Variants in GRID2 observed in about 807,000 individuals in gnomAD.
The protein encoded by GRID2 is glutamate ionotropic receptor delta type subunit 2.
A neutral mutation model predicts 114.8 loss-of-function variants in GRID2; 33 were observed. That is an observed-to-expected ratio of 0.29 (90% CI 0.22 to 0.38). The LOEUF (loss-of-function observed/expected upper bound fraction) is 0.38. Ranked by LOEUF, GRID2 falls within the 10% of genes least tolerant of loss-of-function variation. GRID2 has a pLI of 1.00. For missense variants in GRID2, 1,184 were observed against 1,257.7 expected, an observed-to-expected ratio of 0.94 and a Z score of 0.89; for synonymous variants, 505 against 449.9, an observed-to-expected ratio of 1.12 and a Z score of -1.55.
At chr4:93,275,271 T>C (rs1311013814) in intron 8 of GRID2, among the ~76,000 whole-genome samples, 1 of 151,944 alleles carries the variant, frequency 6.6e-6, no homozygotes, top group African/African-American at 2.4e-5. Context: ...TGATAAATAA[T>C]ATTCCATTGT....
At chr4:93,280,323 T>C (rs897484170) in intron 8 of GRID2, among the ~76,000 whole-genome samples, 4 of 152,032 alleles carry the variant, frequency 2.6e-5, no homozygotes, top group Non-Finnish European at 4.4e-5. Flanking sequence ...ATTTTATTTC[T>C]AGTTTAATGC....
chr4:92,459,654 T>C (rs1721382537), intron 1 of GRID2, among the ~76,000 whole-genome samples: 1 of 152,152 alleles, frequency 6.6e-6, no homozygotes, highest in Non-Finnish European at 1.5e-5. Context: ...CCCAAAATTT[T>C]ATTCTGTTGT....
At chr4:92,977,046 C>G (rs1184321258) in intron 2 of GRID2, among the ~76,000 whole-genome samples, 1 of 152,170 alleles carries the variant, frequency 6.6e-6, no homozygotes, top group South Asian at 2.1e-4. Flanking sequence ...ATTCAACAAT[C>G]AATCAGTAAA....
intron 13 of GRID2, among the ~76,000 whole-genome samples, chr4:93,606,398 A>T (rs1461433063): frequency 6.6e-6 from 1 of 152,238 alleles, no homozygotes; most frequent in African/African-American, 2.4e-5. Flanking sequence ...AATTTTAAGT[A>T]TGAGAAATGA....
At chr4:92,427,339 A>G (rs1275154041) in intron 1 of GRID2, among the ~76,000 whole-genome samples, 1 of 152,178 alleles carries the variant, frequency 6.6e-6, no homozygotes, top group Non-Finnish European at 1.5e-5. Flanking sequence ...ATGAATGAAT[A>G]AATGAAGGGG....
chr4:92,931,096 T>C (rs1276393994), intron 2 of GRID2, among the ~76,000 whole-genome samples: 1 of 134,814 alleles, frequency 7.4e-6, no homozygotes, highest in African/African-American at 2.6e-5. Context: ...ACTACAAACA[T>C]AGTTAAAATC....
chr4:92,898,003 T>G (rs1747292622), intron 2 of GRID2, among the ~76,000 whole-genome samples: 2 of 152,202 alleles, frequency 1.3e-5, no homozygotes, highest in African/African-American at 4.8e-5. Context: ...TCTTTACATT[T>G]TAATTTTTAC....
intron 2 of GRID2, among the ~76,000 whole-genome samples, chr4:92,921,838 A>G (rs577530662): frequency 1.3e-5 from 2 of 152,280 alleles, no homozygotes; most frequent in Admixed American, 6.5e-5. Flanking sequence ...CAGATCTCCA[A>G]CTGCATGCTG....
chr4:92,458,252 CA>C (rs771505371), intron 1 of GRID2, among the ~76,000 whole-genome samples: 2 of 152,080 alleles, frequency 1.3e-5, no homozygotes, highest in African/African-American at 2.4e-5. Context: ...ACGGTGAGAA[CA>C]AAAAGAGACT....
intron 2 of GRID2, among the ~76,000 whole-genome samples, chr4:92,916,323 G>C (rs915396060): frequency 1.1e-4 from 17 of 151,992 alleles, no homozygotes; most frequent in African/African-American, 4.1e-4. Flanking sequence ...TTTGAAGCTA[G>C]AAAACGATCA....
intron 4 of GRID2, among the ~76,000 whole-genome samples, chr4:93,162,870 A>G (rs1438968571): frequency 6.6e-6 from 1 of 151,954 alleles, no homozygotes; most frequent in African/African-American, 2.4e-5. Context: ...AAAACACAAT[A>G]TTGAATGCTG....
At chr4:93,538,362 C>G (rs1732309789) in intron 13 of GRID2, among the ~76,000 whole-genome samples, 1 of 151,538 alleles carries the variant, frequency 6.6e-6, no homozygotes, top group South Asian at 2.1e-4. Context: ...AACCCAAACT[C>G]TAAATATACA....
chr4:93,737,821 C>T (rs2110243025), intron 14 of GRID2, among the ~76,000 whole-genome samples: 1 of 152,060 alleles, frequency 6.6e-6, no homozygotes, highest in East Asian at 1.9e-4. Flanking sequence ...CACTAGTGTG[C>T]TCACACCTAA....
intron 14 of GRID2, among the ~76,000 whole-genome samples, chr4:93,677,796 A>G (rs1165725685): frequency 6.6e-6 from 1 of 152,190 alleles, no homozygotes; most frequent in African/African-American, 2.4e-5. Flanking sequence ...ACCAGCATCA[A>G]AGACCAAAAG....
At chr4:92,972,245 G>T in intron 2 of GRID2, among the ~76,000 whole-genome samples, 1 of 151,124 alleles carries the variant, frequency 6.6e-6, no homozygotes. Context: ...ATCCTAACTG[G>T]GGTGAGATGA....
chr4:93,554,642 C>T (rs565624499), intron 13 of GRID2, among the ~76,000 whole-genome samples: 2 of 152,192 alleles, frequency 1.3e-5, no homozygotes, highest in East Asian at 3.9e-4. Context: ...CACTCTGACA[C>T]CCAGGCTGGA....
At chr4:93,145,393 A>G (rs1473129571) in intron 4 of GRID2, among the ~76,000 whole-genome samples, 1 of 151,954 alleles carries the variant, frequency 6.6e-6, no homozygotes, top group African/African-American at 2.4e-5. Context: ...CAGACATTGT[A>G]GTAGTTGAAC....
chr4:92,483,094 GT>G (rs1722696563), intron 1 of GRID2, among the ~76,000 whole-genome samples: 1 of 152,070 alleles, frequency 6.6e-6, no homozygotes, highest in African/African-American at 2.4e-5. Context: ...AATCTCAGCA[GT>G]TTGGGAGGCT....
intron 1 of GRID2, among the ~76,000 whole-genome samples, chr4:92,505,244 TCA>T (rs561332675): frequency 7.8e-4 from 118 of 152,140 alleles, no homozygotes; most frequent in Middle Eastern, 3.4e-3. Context: ...CTGAATTTTC[TCA>T]TTTATTTTCT....
Sources: allele counts gnomAD v4.1 joint callset (sites outside exome capture counted in the v4.1 genomes callset), GRCh38; gene constraint gnomAD v4.1.1; transcripts MANE v1.5; gene names NCBI Gene and HGNC (gene_info 2026-07-23, HGNC 2026-07-21).